Variants in MKRN1 observed in about 807,000 individuals in gnomAD.
MKRN1 encodes the protein E3 ubiquitin-protein ligase makorin-1.
Under a neutral mutation model 55.5 loss-of-function variants are expected in MKRN1, and 9 were observed. The observed-to-expected ratio is 0.16, with a 90% confidence interval of 0.10 to 0.28. The LOEUF (loss-of-function observed/expected upper bound fraction) is 0.28, where lower values mean the gene tolerates loss of function less well. MKRN1 is among the 10% of genes least tolerant of loss of function. The pLI, the probability that MKRN1 is intolerant of heterozygous loss-of-function variation, is 1.00. For missense variants in MKRN1, 488 were observed against 626.7 expected (o/e 0.78, Z 2.36); for synonymous variants, 253 against 235.9 (o/e 1.07, Z -0.66).
rs185549849 is a variant in MKRN1 at position 140,472,664 on chromosome 7, A to C, written c.186-653T>G. 3.9e-3 allele frequency among the ~76,000 whole-genome samples: 596 copies of C among 151,510 alleles called. 3 individuals are homozygous for C. Among genetic ancestry groups the C allele is most frequent in the African/African-American group, 0.014 (569 of 41,384 alleles). On this transcript the variant is annotated intron_variant, in intron 1 of 7. Coordinates refer to ENST00000255977, the MANE Select transcript of MKRN1 (RefSeq NM_013446.4). ...CGGCCTCCCAAAGTGCTGAGATTAC[A>C]AGCGTGAGCCACTGCGCCTGGCCCT... is the stretch of plus-strand genomic sequence containing the variant.
intron 2 of MKRN1, among the ~76,000 whole-genome samples, chr7:140,463,277 G>C (rs1261854080): frequency 6.6e-6 from 1 of 152,208 alleles, no homozygotes; most frequent in Non-Finnish European, 1.5e-5. Context: ...TTTCACTCAT[G>C]AACTGTGGGG....
intron 1 of MKRN1, among the ~76,000 whole-genome samples, chr7:140,473,031 C>T (rs1308453868): frequency 1.3e-5 from 2 of 151,494 alleles, no homozygotes; most frequent in Non-Finnish European, 2.9e-5. Context: ...GCAGGGATTG[C>T]AGTGAGCCGA....
At chr7:140,454,815 C>T (rs1794422019) in intron 7 of MKRN1, 86 bp from the exon 8 acceptor site, 8 of 1,378,036 alleles carry the variant, frequency 5.8e-6, no homozygotes, top group South Asian at 3.6e-5. Context: ...GTCCAGCACA[C>T]CAGAGGGCAT....
chr7:140,469,198 C>T (rs959298399), intron 2 of MKRN1, among the ~76,000 whole-genome samples: 1 of 151,718 alleles, frequency 6.6e-6, no homozygotes, highest in Non-Finnish European at 1.5e-5. Context: ...TGGTGGCGGG[C>T]GCCTGTAGTC....
chr7:140,464,502 A>G (rs1047608565), intron 2 of MKRN1, among the ~76,000 whole-genome samples: 2 of 152,120 alleles, frequency 1.3e-5, no homozygotes, highest in African/African-American at 2.4e-5. Context: ...CAGGAGTTCC[A>G]GACCAGCCTG....
chr7:140,454,315 T>C lies in MKRN1; in HGVS notation c.*202A>G. On this transcript the variant is annotated 3_prime_UTR_variant, in exon 8 of 8. Coordinates refer to ENST00000255977, the MANE Select transcript of MKRN1 (RefSeq NM_013446.4). The stretch of plus-strand genomic sequence containing the variant: ...AAAAACTAACTTTAAGATTTATTTT[T>C]GTAACTTTTTTCAACAGGGAAAACA... 5.0e-6 allele frequency: 3 copies of C among 595,536 alleles called. No homozygotes were observed. The South Asian group carries it at 6.2e-5, about 12-fold the overall frequency. The allele number at this position is 595,536 out of a possible 1,614,324, so 36.9% of individuals were successfully genotyped here.
In MKRN1 at chr7:140,479,457, G is replaced by A. The variant is rs968230316; in HGVS notation, c.-113C>T. ...GCGAGGGGAGGGGAAGGACACTGAG[G>A]CACCCGTTCGGTCCCCGCCTGCTAC... is the stretch of plus-strand genomic sequence containing the variant. On this transcript the variant is annotated 5_prime_UTR_variant, in exon 1 of 8. Transcript: ENST00000255977. The A allele has an allele frequency of 8.0e-5, 89 of 1,109,406 alleles. No individual in the cohort carries two copies. The highest frequency in any genetic ancestry group is 9.5e-5 in the Non-Finnish European group (83 of 871,990). The allele number at this position is 1,109,406 out of a possible 1,614,324, so 68.7% of individuals were successfully genotyped here. A position where few individuals can be genotyped will look rare whatever the true frequency, so the allele number is the denominator to read the frequency against.
chr7:140,473,147 AATTTCTCCTCCAAAC>A (rs1794984898), intron 1 of MKRN1: 1 of 395,636 alleles, frequency 2.5e-6, no homozygotes. Context: ...TACGTCAAAG[AATTTCTCCTCCAAAC>A]AAAAACCAAT....
intron 1 of MKRN1, among the ~76,000 whole-genome samples, chr7:140,477,678 G>T (rs994473039): frequency 2.0e-5 from 3 of 146,552 alleles, no homozygotes; most frequent in Non-Finnish European, 3.0e-5. Flanking sequence ...GGCTGGTCTC[G>T]AACTCCTTAC....
At chr7:140,461,725 T>C (rs1794622895) in intron 2 of MKRN1, among the ~76,000 whole-genome samples, 1 of 152,200 alleles carries the variant, frequency 6.6e-6, no homozygotes, top group Non-Finnish European at 1.5e-5. Context: ...GGCTCAGGCC[T>C]GTAATCCCAG....
chr7:140,468,063 T>G (rs1459758735), intron 2 of MKRN1, among the ~76,000 whole-genome samples: 1 of 148,012 alleles, frequency 6.8e-6, no homozygotes, highest in Non-Finnish European at 1.5e-5. Flanking sequence ...AACCTTCATT[T>G]TTTTCATTCA....
At chr7:140,478,990 G>A (rs1585506311) in intron 1 of MKRN1, 170 bp downstream of exon 1, 4 of 812,584 alleles carry the variant, frequency 4.9e-6, no homozygotes, top group Admixed American at 4.6e-5. Context: ...GCAGTGACTG[G>A]GGGAACGCGG....
chr7:140,474,980 A>G (rs1201374544), intron 1 of MKRN1, among the ~76,000 whole-genome samples: 1 of 151,826 alleles, frequency 6.6e-6, no homozygotes, highest in Non-Finnish European at 1.5e-5. Context: ...TGGCCTCCCA[A>G]AGTACTAGAA....
At position 140,454,652 on chromosome 7, in the gene MKRN1, C is replaced by G; in HGVS notation, c.1314G>C (p.Glu438Asp). The G allele has an allele frequency of 1.2e-6, 2 of 1,614,008 alleles. No individual in the cohort carries two copies. The highest frequency in any genetic ancestry group is 1.7e-6 in the Non-Finnish European group (2 of 1,179,874). ...NSNPFDNDEEEVVTFELGEML... is the reference protein window; with the variant it reads ...NSNPFDNDEEDVVTFELGEML... ...TCTCGCCCAGCTCAAAGGTGACAACCTCTTCTTCATCGTTGTCAAAGGGGT... is the reference window on the plus strand; with the variant it reads ...TCTCGCCCAGCTCAAAGGTGACAACGTCTTCTTCATCGTTGTCAAAGGGGT... The change falls in exon 8 of 8, where the codon GAG becomes GAC. Residue 438 changes from glutamate (E) to aspartate (D), a missense_variant. Coordinates refer to ENST00000255977, the MANE Select transcript of MKRN1 (RefSeq NM_013446.4).
chr7:140,458,979 T>C (rs1271378354), intron 4 of MKRN1, 28 bp downstream of exon 4: 3 of 1,605,054 alleles, frequency 1.9e-6, no homozygotes, highest in Admixed American at 1.7e-5. Context: ...TCACATCTAA[T>C]AACACACACA....
intron 1 of MKRN1, among the ~76,000 whole-genome samples, chr7:140,477,138 T>A (rs1416670592): frequency 2.0e-5 from 3 of 149,176 alleles, no homozygotes; most frequent in Non-Finnish European, 3.0e-5. Flanking sequence ...CATTCCTCTA[T>A]CTAAAGGAGA....
At chr7:140,478,912 G>A in intron 1 of MKRN1, 1 of 348,956 alleles carries the variant, frequency 2.9e-6, no homozygotes, top group South Asian at 1.4e-4. Context: ...CCGCGGCTCC[G>A]CAGTAATCGC....
intron 2 of MKRN1, among the ~76,000 whole-genome samples, chr7:140,463,884 A>G (rs1794696863): frequency 1.3e-5 from 2 of 150,940 alleles, no homozygotes; most frequent in Non-Finnish European, 3.0e-5. Flanking sequence ...GCAAGACTCC[A>G]TCTCAAAAAA....
intron 2 of MKRN1, among the ~76,000 whole-genome samples, chr7:140,461,848 T>C (rs923458730): frequency 2.0e-5 from 3 of 151,866 alleles, no homozygotes; most frequent in African/African-American, 7.3e-5. Flanking sequence ...CCAGGCATGG[T>C]GGCGCATGCT....
Sources: gnomAD v4.1 joint callset for allele counts (sites outside exome capture counted in the v4.1 genomes callset) on GRCh38, gnomAD v4.1.1 for gene constraint, MANE v1.5 for transcripts, NCBI Gene and HGNC (gene_info 2026-07-23, HGNC 2026-07-21) for gene names.